TPST2: variants seen among roughly 807,000 people sequenced by gnomAD.
TPST2 encodes protein-tyrosine sulfotransferase 2.
Under a neutral mutation model 27.8 loss-of-function variants are expected in TPST2, and 16 were observed. That is an observed-to-expected ratio of 0.58 (90% CI 0.39 to 0.88). The LOEUF (loss-of-function observed/expected upper bound fraction) is 0.88. Among genes scored for constraint, TPST2 ranks in the 40% least tolerant of loss-of-function variants. The pLI, the probability that TPST2 is intolerant of heterozygous loss-of-function variation, is 0.00. For synonymous variants in TPST2, 229 were observed against 231.7 expected (o/e 0.99, Z 0.10); for missense variants, 464 against 543.1 (o/e 0.85, Z 1.45).
At chr22:26,581,336 G>A (rs1041687744) in intron 1 of TPST2, among the ~76,000 whole-genome samples, 2 of 152,160 alleles carry the variant, frequency 1.3e-5, no homozygotes, top group East Asian at 1.9e-4. Flanking sequence ...AATGTGCAGG[G>A]CTGGGACCCC....
At chr22:26,528,736 G>A (rs751569674) in intron 5 of TPST2, among the ~76,000 whole-genome samples, 3 of 152,240 alleles carry the variant, frequency 2.0e-5, no homozygotes, top group East Asian at 1.9e-4. Context: ...TAATCCCAGC[G>A]CTTTGGGAGG....
At chr22:26,582,066 C>G (rs1928136111) in intron 1 of TPST2, among the ~76,000 whole-genome samples, 1 of 152,190 alleles carries the variant, frequency 6.6e-6, no homozygotes, top group Non-Finnish European at 1.5e-5. Context: ...TAGACAAACA[C>G]CATCAGAGGC....
chr22:26,561,105 G>A (rs1332679187), intron 1 of TPST2: 5 of 1,609,234 alleles, frequency 3.1e-6, no homozygotes, highest in African/African-American at 2.7e-5. Context: ...TGAGGAAGAT[G>A]AAGAGGATGA....
intron 1 of TPST2, among the ~76,000 whole-genome samples, chr22:26,586,355 T>C (rs1164866017): frequency 6.6e-6 from 1 of 152,160 alleles, no homozygotes; most frequent in Non-Finnish European, 1.5e-5. Flanking sequence ...ACTCAAGCGA[T>C]CCTTCCACCT....
intron 5 of TPST2, 70 bp from the exon 6 acceptor site, chr22:26,528,332 A>G (rs2147170403): frequency 6.7e-7 from 1 of 1,493,910 alleles, no homozygotes; most frequent in Non-Finnish European, 9.1e-7. Context: ...ATTGAGGGTC[A>G]CCCCTCAGCA....
At chr22:26,568,933 G>A (rs931209807) in intron 1 of TPST2, among the ~76,000 whole-genome samples, 3 of 138,240 alleles carry the variant, frequency 2.2e-5, no homozygotes, top group Non-Finnish European at 3.0e-5. Context: ...GCCCGATCTC[G>A]GCTCACTGCA....
intron 1 of TPST2, among the ~76,000 whole-genome samples, chr22:26,548,676 A>G (rs530013611): frequency 6.6e-6 from 1 of 152,058 alleles, no homozygotes; most frequent in South Asian, 2.1e-4. Context: ...CTCGGAAAAA[A>G]TTCAAGCTAG....
At chr22:26,567,876 A>G (rs1397748341) in intron 1 of TPST2, among the ~76,000 whole-genome samples, 1 of 152,250 alleles carries the variant, frequency 6.6e-6, no homozygotes, top group South Asian at 2.1e-4. Context: ...GGATCATTAC[A>G]TAACTAAATA....
At chr22:26,550,286 T>C (rs1926398663) in intron 1 of TPST2, among the ~76,000 whole-genome samples, 1 of 152,134 alleles carries the variant, frequency 6.6e-6, no homozygotes, top group South Asian at 2.1e-4. Flanking sequence ...AGAGCTGACA[T>C]TCCAGTGGGG....
At position 26,540,494 on chromosome 22, in the gene TPST2, G is replaced by A. The variant is rs147570468; in HGVS notation, c.842+295C>T. On this transcript the variant is annotated intron_variant, in intron 3 of 6. Coordinates refer to ENST00000338754, the MANE Select transcript of TPST2 (RefSeq NM_003595.5). Reference sequence around the variant, plus strand: ...CATGCCTATAGTCCCAGCTACTCAGGAAGATGAGGTGGGAGGATCACTTGA... The same window carrying A: ...CATGCCTATAGTCCCAGCTACTCAGAAAGATGAGGTGGGAGGATCACTTGA... Among the ~76,000 whole-genome samples the A allele has an allele frequency of 2.0e-5, 3 of 152,284 alleles. No homozygotes were observed. In the East Asian group the frequency reaches 5.8e-4, roughly 29 times the overall value.
At chr22:26,586,555 G>T (rs948201925) in intron 1 of TPST2, among the ~76,000 whole-genome samples, 4 of 152,200 alleles carry the variant, frequency 2.6e-5, no homozygotes, top group African/African-American at 9.7e-5. Flanking sequence ...GGCCTAGGCT[G>T]CTTTCTTAAT....
chr22:26,555,748 C>T (rs1926760513), intron 1 of TPST2, among the ~76,000 whole-genome samples: 1 of 152,212 alleles, frequency 6.6e-6, no homozygotes, highest in Non-Finnish European at 1.5e-5. Flanking sequence ...CACGTCCTGC[C>T]CAGAAGACCT....
At chr22:26,526,979 G>T (rs1388044974) in intron 6 of TPST2, among the ~76,000 whole-genome samples, 1 of 152,152 alleles carries the variant, frequency 6.6e-6, no homozygotes, top group Non-Finnish European at 1.5e-5. Flanking sequence ...TTGGAAGGCT[G>T]AGGCACGAGA....
chr22:26,582,195 G>A (rs747020525), intron 1 of TPST2, among the ~76,000 whole-genome samples: 2 of 152,202 alleles, frequency 1.3e-5, no homozygotes, highest in Non-Finnish European at 2.9e-5. Flanking sequence ...GGGAGGTGGA[G>A]GCAGGCAGAT....
rs1924685246 is a variant in TPST2, at chr22:26,523,872, C to CG, written c.*2402dup. ...TGCTGGGATTACAAGCATGAGCCACCGGGCCCGGCCTCTTTATTTTCTTTC... is the reference window on the plus strand; with the variant it reads ...TGCTGGGATTACAAGCATGAGCCACCGGGGCCCGGCCTCTTTATTTTCTTTC... On this transcript the variant is annotated 3_prime_UTR_variant, in exon 7 of 7. Coordinates refer to ENST00000338754, the MANE Select transcript of TPST2 (RefSeq NM_003595.5). 6.6e-6 allele frequency: 1 copy of CG among 152,226 alleles called. No homozygotes were observed. Among genetic ancestry groups the CG allele is most frequent in the African/African-American group, 2.4e-5 (1 of 41,438 alleles). The allele number at this position is 152,226 out of a possible 1,614,324, so 9.4% of individuals were successfully genotyped here.
intron 1 of TPST2, among the ~76,000 whole-genome samples, chr22:26,571,105 A>C (rs1927607690): frequency 6.6e-6 from 1 of 152,110 alleles, no homozygotes; most frequent in Non-Finnish European, 1.5e-5. Flanking sequence ...CACTTTACTC[A>C]GGAAAAACCA....
At chr22:26,579,860 T>G (rs1283244583) in intron 1 of TPST2, among the ~76,000 whole-genome samples, 1 of 116,670 alleles carries the variant, frequency 8.6e-6, no homozygotes, top group African/African-American at 3.4e-5. Flanking sequence ...GAGGCAAAGA[T>G]GGGAGTAAGA....
At chr22:26,566,573 GA>G in intron 1 of TPST2, among the ~76,000 whole-genome samples, 1 of 150,598 alleles carries the variant, frequency 6.6e-6, no homozygotes. Context: ...AAAAGACAAA[GA>G]AAAAGAAAAA....
intron 1 of TPST2, chr22:26,560,849 G>A (rs1299413505): frequency 6.9e-6 from 11 of 1,586,390 alleles, no homozygotes; most frequent in East Asian, 4.5e-5. Flanking sequence ...TCTGCTCTGC[G>A]TATCGCCCAA....
Sources: gnomAD v4.1 joint callset for allele counts (sites outside exome capture counted in the v4.1 genomes callset) on GRCh38, gnomAD v4.1.1 for gene constraint, MANE v1.5 for transcripts, NCBI Gene and HGNC (gene_info 2026-07-23, HGNC 2026-07-21) for gene names.